The following NKAIN3 variants were observed in gnomAD, a reference collection of about 807,000 sequenced individuals.
NKAIN3 encodes the protein sodium/potassium-transporting ATPase subunit beta-1-interacting protein 3.
A neutral mutation model predicts 30.2 loss-of-function variants in NKAIN3; 25 were observed. The ratio of observed to expected loss-of-function variants is 0.83; its 90% CI spans 0.60 to 1.16. NKAIN3 has a LOEUF of 1.16. Among genes scored for constraint, NKAIN3 ranks in the 50% most tolerant of loss-of-function variants. The pLI is 0.00. For missense variants in NKAIN3, 225 were observed against 254.1 expected, an observed-to-expected ratio of 0.89 and a Z score of 0.78; for synonymous variants, 91 against 89.6, an observed-to-expected ratio of 1.02 and a Z score of -0.09.
chr8:62,429,879 T>C (rs772233488), intron 1 of NKAIN3, among the ~76,000 whole-genome samples: 1 of 151,874 alleles, frequency 6.6e-6, no homozygotes, highest in African/African-American at 2.4e-5. Context: ...TTAAGTGTAT[T>C]GTTTAGTGGT....
chr8:62,508,532 G>A lies in NKAIN3; in HGVS notation c.55-71007G>A, dbSNP rs542877406. The stretch of plus-strand genomic sequence containing the variant: ...CCACAAGCCAAGCCCCTCATTGTCC[G>A]GGGACCAGTTAGTCATGCCTACTTG... On this transcript the variant is annotated intron_variant, in intron 1 of 6. Coordinates refer to ENST00000623646, the MANE Select transcript of NKAIN3 (RefSeq NM_001304533.3). Among the ~76,000 whole-genome samples, 6 of 152,198 alleles carry A rather than the reference G, an allele frequency of 3.9e-5. 1 individual carries two copies. In the South Asian group the frequency reaches 8.3e-4, roughly 21 times the overall value.
chr8:62,595,382 C>CTTTTTTTTTTT (rs1181598520), intron 3 of NKAIN3, among the ~76,000 whole-genome samples: 34 of 109,920 alleles, frequency 3.1e-4, no homozygotes, highest in African/African-American at 9.4e-4. Flanking sequence ...GGGCTATTTT[C>CTTTTTTTTTTT]TTTTTTTTTT....
At chr8:62,631,205 A>G (rs907487851) in intron 3 of NKAIN3, among the ~76,000 whole-genome samples, 1 of 152,102 alleles carries the variant, frequency 6.6e-6, no homozygotes, top group African/African-American at 2.4e-5. Context: ...GAAAACCCAC[A>G]TCTCCAGAGA....
chr8:62,781,247 A>G (rs1317949060), intron 4 of NKAIN3, among the ~76,000 whole-genome samples: 1 of 151,932 alleles, frequency 6.6e-6, no homozygotes, highest in African/African-American at 2.4e-5. Flanking sequence ...TATCTACAAG[A>G]AAAACTATAA....
At chr8:62,835,462 T>C (rs1430206463) in intron 4 of NKAIN3, among the ~76,000 whole-genome samples, 1 of 151,106 alleles carries the variant, frequency 6.6e-6, no homozygotes, top group Non-Finnish European at 1.5e-5. Flanking sequence ...AGGGAACTTC[T>C]TCAATTCAAC....
intron 4 of NKAIN3, among the ~76,000 whole-genome samples, chr8:62,874,135 AAATGATAAAG>A (rs897729322): frequency 2.0e-5 from 3 of 152,160 alleles, no homozygotes; most frequent in Non-Finnish European, 4.4e-5. Flanking sequence ...ACACAATAAA[AAATGATAAAG>A]AGATTTCACC....
rs995393724 is a variant in NKAIN3 at position 62,976,628 on chromosome 8, C to T, written c.*11221C>T. 2.0e-5 allele frequency among the ~76,000 whole-genome samples: 3 copies of T among 152,164 alleles called. No homozygotes were observed. The highest frequency in any genetic ancestry group is 7.2e-5 in the African/African-American group (3 of 41,452). ...TACAACACACCAATGGGTTTTGACT[C>T]TTTATCCAATTTGCCAGTCTGTGCC... is the stretch of plus-strand genomic sequence containing the variant. On this transcript the variant is annotated 3_prime_UTR_variant, in exon 7 of 7. Coordinates refer to ENST00000623646, the MANE Select transcript of NKAIN3 (RefSeq NM_001304533.3).
intron 4 of NKAIN3, among the ~76,000 whole-genome samples, chr8:62,846,855 T>C (rs1819703874): frequency 6.6e-6 from 1 of 152,060 alleles, no homozygotes; most frequent in African/African-American, 2.4e-5. Flanking sequence ...ACAATCATGG[T>C]CGAAGGTGAA....
intron 5 of NKAIN3, among the ~76,000 whole-genome samples, chr8:62,918,731 AG>A (rs1158593985): frequency 6.6e-6 from 1 of 152,222 alleles, no homozygotes; most frequent in Non-Finnish European, 1.5e-5. Flanking sequence ...GAGCACGTGC[AG>A]AGACTTAGAA....
intron 3 of NKAIN3, among the ~76,000 whole-genome samples, chr8:62,722,935 A>G (rs1401455403): frequency 6.6e-6 from 1 of 152,164 alleles, no homozygotes; most frequent in Admixed American, 6.5e-5. Context: ...ATGGTTAGTC[A>G]ACAACTTGAG....
intron 1 of NKAIN3, among the ~76,000 whole-genome samples, chr8:62,504,392 C>T (rs534621212): frequency 4.3e-4 from 66 of 152,244 alleles, no homozygotes; most frequent in African/African-American, 1.6e-3. Context: ...CTCTATACTA[C>T]ATTCTCTCCA....
intron 1 of NKAIN3, among the ~76,000 whole-genome samples, chr8:62,320,528 G>T (rs1814842433): frequency 6.6e-6 from 1 of 152,000 alleles, no homozygotes; most frequent in South Asian, 2.1e-4. Context: ...GGCAGGCCTG[G>T]TGGTGACAAA....
intron 1 of NKAIN3, among the ~76,000 whole-genome samples, chr8:62,434,294 A>G (rs559968332): frequency 6.6e-6 from 1 of 152,280 alleles, no homozygotes; most frequent in South Asian, 2.1e-4. Context: ...TAAGTGATGC[A>G]AGTCTCAACC....
intron 3 of NKAIN3, among the ~76,000 whole-genome samples, chr8:62,601,023 G>A (rs1480200): frequency 0.024 from 3,623 of 152,078 alleles, 91 homozygotes; most frequent in African/African-American, 0.072. Flanking sequence ...ATTTTAGACC[G>A]TCAATTCAGA....
At chr8:62,412,909 C>CAAAA (rs71501599) in intron 1 of NKAIN3, among the ~76,000 whole-genome samples, 40 of 97,864 alleles carry the variant, frequency 4.1e-4, no homozygotes, top group African/African-American at 9.2e-4. Flanking sequence ...GAGACTCCGT[C>CAAAA]AAAAAAAAAA....
chr8:62,519,305 G>C (rs1217248412), intron 1 of NKAIN3, among the ~76,000 whole-genome samples: 1 of 152,122 alleles, frequency 6.6e-6, no homozygotes, highest in Non-Finnish European at 1.5e-5. Flanking sequence ...CATGTCTTCT[G>C]TTTTCATCCT....
chr8:62,840,863 C>T (rs951142901), intron 4 of NKAIN3, among the ~76,000 whole-genome samples: 4 of 152,124 alleles, frequency 2.6e-5, no homozygotes, highest in Non-Finnish European at 5.9e-5. Context: ...GTTGTTCATG[C>T]ACAGGTATGA....
intron 1 of NKAIN3, among the ~76,000 whole-genome samples, chr8:62,575,948 C>T (rs1441262650): frequency 1.3e-5 from 2 of 152,016 alleles, no homozygotes; most frequent in Non-Finnish European, 2.9e-5. Flanking sequence ...TATCTCTTGC[C>T]ATATACAAAC....
intron 1 of NKAIN3, among the ~76,000 whole-genome samples, chr8:62,544,132 G>A (rs927445676): frequency 1.3e-5 from 2 of 151,974 alleles, no homozygotes; most frequent in Non-Finnish European, 2.9e-5. Context: ...CTCCCAAGTA[G>A]CCAGAACTAC....
Sources: gnomAD v4.1 joint callset for allele counts (sites outside exome capture counted in the v4.1 genomes callset) on GRCh38, gnomAD v4.1.1 for gene constraint, MANE v1.5 for transcripts, NCBI Gene and HGNC (gene_info 2026-07-23, HGNC 2026-07-21) for gene names.